Variants in PDXDC1 observed in about 807,000 individuals in gnomAD.
PDXDC1 encodes the protein pyridoxal-dependent decarboxylase domain-containing protein 1.
A neutral mutation model predicts 100.1 loss-of-function variants in PDXDC1; 42 were observed. That is an observed-to-expected ratio of 0.42 (90% CI 0.33 to 0.54). PDXDC1 has a LOEUF of 0.54. PDXDC1 is among the 20% of genes least tolerant of loss of function. The pLI, the probability that PDXDC1 is intolerant of heterozygous loss-of-function variation, is 0.10. For synonymous variants in PDXDC1, 260 were observed against 371.7 expected, an observed-to-expected ratio of 0.70 and a Z score of 3.46; for missense variants, 636 against 979.2, an observed-to-expected ratio of 0.65 and a Z score of 4.68.
In PDXDC1 at chr16:14,975,222, T is replaced by G. The variant is rs1966614297; in HGVS notation, c.21+2T>G. The G allele has an allele frequency of 7.0e-7, 1 of 1,422,274 alleles. No individual in the cohort carries two copies. Among genetic ancestry groups the G allele is most frequent in the Non-Finnish European group, 9.1e-7 (1 of 1,098,240 alleles). 88.1% of individuals were successfully genotyped at this position (1,422,274 alleles called of 1,614,324 possible). On this transcript the variant is annotated splice_donor_variant, in intron 1 of 22. Transcript: ENST00000396410. LOFTEE classifies it high-confidence loss of function. ...GCCATGGACGCGTCCCTGGAGAAGG[T>G]CCGTGCCGGGAGGGGGCGATGGGGA...
intron 1 of PDXDC1, among the ~76,000 whole-genome samples, chr16:14,986,091 C>A (rs8052590): frequency 2.0e-5 from 3 of 151,500 alleles, no homozygotes; most frequent in South Asian, 4.2e-4. Flanking sequence ...AGAGCGAGGT[C>A]ATGTCTCAAA....
chr16:15,025,824 C>T (rs1212164521), intron 13 of PDXDC1: 2 of 152,482 alleles, frequency 1.3e-5, no homozygotes, highest in Non-Finnish European at 2.9e-5. Context: ...ACCCTGACCC[C>T]ATGGCTTGAC....
intron 16 of PDXDC1, among the ~76,000 whole-genome samples, chr16:15,081,953 T>C (rs917142525): frequency 6.6e-6 from 1 of 152,220 alleles, no homozygotes; most frequent in Admixed American, 6.5e-5. Context: ...GGTTAGTGTA[T>C]GTTAGTCTTC....
intron 16 of PDXDC1, among the ~76,000 whole-genome samples, chr16:15,030,407 A>ACCCTG (rs1379761921): frequency 1.0e-4 from 15 of 150,060 alleles, no homozygotes; most frequent in Admixed American, 2.0e-4. Flanking sequence ...TTAGCCAGGC[A>ACCCTG]TGGTGGTACA....
intron 16 of PDXDC1, among the ~76,000 whole-genome samples, chr16:15,052,486 T>C (rs1438170108): frequency 6.6e-6 from 1 of 152,106 alleles, no homozygotes; most frequent in Non-Finnish European, 1.5e-5. Context: ...TCTTCCTTTA[T>C]AAACAGGAGA....
At chr16:15,068,261 C>G in intron 16 of PDXDC1, 2 of 1,570,158 alleles carry the variant, frequency 1.3e-6, no homozygotes, top group Non-Finnish European at 1.7e-6. Context: ...AATTCAGACT[C>G]TGAAGATACT....
At position 15,071,185 on chromosome 16, in the gene PDXDC1, T is replaced by C. The variant is rs1375418628; in HGVS notation, c.1399+41129T>C. 154 of 1,610,754 alleles carry C rather than the reference T, an allele frequency of 9.6e-5. No individual in the cohort carries two copies. The highest frequency in any genetic ancestry group is 1.2e-4 in the Non-Finnish European group (146 of 1,179,148). On this transcript the variant is annotated intron_variant, in intron 16 of 16. Transcript: ENST00000535621. ...ATATAATTTCCAGCAGCCTGCCTGA[T>C]GATGGCAGGATTACTTGGGTCCTGC...
chr16:15,077,599 T>C (rs910497345), intron 16 of PDXDC1, among the ~76,000 whole-genome samples: 3 of 152,152 alleles, frequency 2.0e-5, no homozygotes, highest in African/African-American at 7.2e-5. Flanking sequence ...CCGAGCTCTT[T>C]GGGAGGCCGA....
At chr16:15,065,018 T>C (rs1187000982) in intron 16 of PDXDC1, among the ~76,000 whole-genome samples, 2 of 151,912 alleles carry the variant, frequency 1.3e-5, no homozygotes, top group African/African-American at 4.8e-5. Context: ...TACAAAAAAT[T>C]AGCCAGGCGT....
In PDXDC1 at chr16:14,975,070, T is replaced by C. The variant is rs949714721; in HGVS notation, c.-130T>C. 11 of 1,501,652 alleles carry C rather than the reference T, an allele frequency of 7.3e-6. No individual in the cohort carries two copies. In the African/African-American group the frequency reaches 1.4e-4, roughly 19 times the overall value. 93.0% of individuals were successfully genotyped at this position (1,501,652 alleles called of 1,614,324 possible). A position where few individuals can be genotyped will look rare whatever the true frequency, so the allele number is the denominator to read the frequency against. ...GCAGCCCGCGGCGCCGCCTGGCAGCTCCTCCTCTTCTCCGCCCCGCCGGCC... is the reference window on the plus strand; with the variant it reads ...GCAGCCCGCGGCGCCGCCTGGCAGCCCCTCCTCTTCTCCGCCCCGCCGGCC... On this transcript the variant is annotated 5_prime_UTR_variant, in exon 1 of 23. Coordinates refer to ENST00000396410, the MANE Select transcript of PDXDC1 (RefSeq NM_015027.4).
chr16:15,065,913 G>A (rs2044949779), intron 16 of PDXDC1, among the ~76,000 whole-genome samples: 1 of 152,204 alleles, frequency 6.6e-6, no homozygotes, highest in Non-Finnish European at 1.5e-5. Flanking sequence ...GCACAGAAAG[G>A]ACTAGGCATG....
At chr16:15,070,383 T>C (rs1597901131) in intron 16 of PDXDC1, 4 of 650,588 alleles carry the variant, frequency 6.1e-6, no homozygotes, top group Non-Finnish European at 1.1e-5. Flanking sequence ...ATAATACCCA[T>C]GGGTACAGAG....
At chr16:15,047,398 G>T in intron 16 of PDXDC1, 1 of 1,281,546 alleles carries the variant, frequency 7.8e-7, no homozygotes. Flanking sequence ...GTATGCGACG[G>T]TTCCAAGATC....
rs140902052 is a variant in PDXDC1, at chr16:15,094,671, G to A, written c.1400-44208G>A. 6.9e-3 allele frequency: 1,696 copies of A among 244,184 alleles called. 16 individuals are homozygous for A. Among genetic ancestry groups the A allele is most frequent in the Non-Finnish European group, 0.01 (1,274 of 123,830 alleles). 15.1% of individuals were successfully genotyped at this position (244,184 alleles called of 1,614,324 possible). A position where few individuals can be genotyped will look rare whatever the true frequency, so the allele number is the denominator to read the frequency against. On this transcript the variant is annotated intron_variant, in intron 16 of 16. Transcript: ENST00000535621. ...GAACCCGGCTGACCCAGGAGCCTGG[G>A]CTCTATACTCAGTGCAGCAGTCTCA...
chr16:14,990,829 C>T (rs1415461775), intron 1 of PDXDC1, among the ~76,000 whole-genome samples: 1 of 152,284 alleles, frequency 6.6e-6, no homozygotes, highest in African/African-American at 2.4e-5. Flanking sequence ...CAGCCTCCGC[C>T]TCCTGGGTTC....
intron 16 of PDXDC1, chr16:15,129,796 T>C (rs4012904): frequency 0.82 from 569,808 of 697,824 alleles, 237,063 homozygotes; most frequent in Admixed American, 0.9. Flanking sequence ...TGTTCTGACG[T>C]CTGCGATGAG....
intron 16 of PDXDC1, chr16:15,094,256 T>C (rs763154726): frequency 6.5e-6 from 10 of 1,544,032 alleles, no homozygotes; most frequent in Middle Eastern, 2.0e-4. Flanking sequence ...ACGCGACCGC[T>C]GCGCCTCAGG....
intron 16 of PDXDC1, chr16:15,130,845 G>A (rs946512804): frequency 6.7e-6 from 5 of 750,588 alleles, no homozygotes; most frequent in South Asian, 1.5e-5. Flanking sequence ...CCACCCGGGG[G>A]ACACCCACGA....
intron 22 of PDXDC1, 63 bp from the exon 23 acceptor site, chr16:15,035,953 A>T: frequency 6.7e-7 from 1 of 1,493,486 alleles, no homozygotes; most frequent in Non-Finnish European, 9.1e-7. Flanking sequence ...TGTTGCAGAG[A>T]CAGCCTGTGT....
Sources: allele counts gnomAD v4.1 joint callset (sites outside exome capture counted in the v4.1 genomes callset), GRCh38; gene constraint gnomAD v4.1.1; transcripts MANE v1.5; gene names NCBI Gene and HGNC (gene_info 2026-07-23, HGNC 2026-07-21).